HYDIN: variants seen among roughly 807,000 people sequenced by gnomAD.
The protein encoded by HYDIN is HYDIN axonemal central pair apparatus protein.
A neutral mutation model predicts 403.9 loss-of-function variants in HYDIN; 132 were observed. The ratio of observed to expected loss-of-function variants is 0.33; its 90% confidence interval spans 0.28 to 0.38. The LOEUF is 0.38. HYDIN is among the 10% of genes least tolerant of loss of function. The pLI, the probability that HYDIN is intolerant of heterozygous loss-of-function variation, is 1.00. For missense variants in HYDIN, 2,827 were observed against 5,009.5 expected (o/e 0.56, Z 13.15); for synonymous variants, 1,202 against 1,891.7 (o/e 0.64, Z 9.46).
At chr16:70,911,272 T>C (rs1431547915) in intron 47 of HYDIN, among the ~76,000 whole-genome samples, 6 of 145,120 alleles carry the variant, frequency 4.1e-5, no homozygotes, top group African/African-American at 1.0e-4. Context: ...TTAATCCATC[T>C]TGAGTTGATT....
At chr16:70,994,270 G>GATGGATGC (rs768655786) in intron 23 of HYDIN, among the ~76,000 whole-genome samples, 26 of 7,056 alleles carry the variant, frequency 3.7e-3, no homozygotes, top group African/African-American at 0.013. Context: ...TGGATGCATG[G>GATGGATGC]ATGGATGGAT....
intron 1 of HYDIN, among the ~76,000 whole-genome samples, chr16:71,219,524 G>A (rs1267881621): frequency 6.6e-6 from 1 of 151,986 alleles, no homozygotes. Flanking sequence ...ATCTAACATA[G>A]GATATGCTGG....
Position 70,880,451 on chromosome 16 carries a change from C to T in HYDIN, c.10216-695G>A, listed in dbSNP as rs1199653950. Among the ~76,000 whole-genome samples the T allele has an allele frequency of 9.9e-5, 15 of 151,026 alleles. No individual in the cohort carries two copies. The South Asian group carries it at 2.9e-3, about 30-fold the overall frequency. ...GGATGAGAGAATGGAGCAGTGGAAA[C>T]CCTGTGAGAGAGACATGTGGCTCTT... On this transcript the variant is annotated intron_variant, in intron 60 of 85. Transcript: ENST00000393567.
At chr16:70,882,195 G>C (rs2040849510) in intron 60 of HYDIN, among the ~76,000 whole-genome samples, 1 of 152,140 alleles carries the variant, frequency 6.6e-6, no homozygotes, top group South Asian at 2.1e-4. Flanking sequence ...GAGTTGTTGT[G>C]AGGGCAAAAG....
chr16:71,206,748 G>A (rs1010262778), intron 1 of HYDIN, among the ~76,000 whole-genome samples: 2 of 152,176 alleles, frequency 1.3e-5, no homozygotes, highest in Non-Finnish European at 2.9e-5. Context: ...CGATAGAGCT[G>A]AAAAACACAT....
chr16:70,996,282 T>C (rs1214865270), intron 23 of HYDIN, among the ~76,000 whole-genome samples: 3 of 152,314 alleles, frequency 2.0e-5, no homozygotes, highest in African/African-American at 7.2e-5. Context: ...CGGGCTCTCC[T>C]AGGGAATCCA....
At chr16:70,990,021 C>T (rs783745) in intron 25 of HYDIN, among the ~76,000 whole-genome samples, 10 of 152,150 alleles carry the variant, frequency 6.6e-5, no homozygotes, top group Admixed American at 2.0e-4. Flanking sequence ...GCTTGATGGA[C>T]GTGTCCCTGC....
chr16:71,174,536 A>G (rs188348008), intron 5 of HYDIN, among the ~76,000 whole-genome samples: 34 of 152,194 alleles, frequency 2.2e-4, no homozygotes, highest in Middle Eastern at 3.4e-3. Context: ...CACTCCTTCA[A>G]TCATGCTGGT....
At chr16:71,210,843 A>T (rs80233872) in intron 1 of HYDIN, among the ~76,000 whole-genome samples, 1 of 152,080 alleles carries the variant, frequency 6.6e-6, no homozygotes, top group South Asian at 2.1e-4. Context: ...TTCAAAAAAA[A>T]TTTCTTAGTT....
intron 58 of HYDIN, among the ~76,000 whole-genome samples, chr16:70,886,606 C>T (rs1220855620): frequency 6.6e-6 from 1 of 152,188 alleles, no homozygotes; most frequent in Admixed American, 6.5e-5. Context: ...GGTAAGTCTA[C>T]TGGTGACAAA....
intron 1 of HYDIN, among the ~76,000 whole-genome samples, chr16:71,224,275 T>C (rs2040931192): frequency 6.6e-6 from 1 of 152,100 alleles, no homozygotes; most frequent in Non-Finnish European, 1.5e-5. Context: ...TGATGAAATT[T>C]GGGAACTCAT....
chr16:71,219,973 C>T (rs1316895341), intron 1 of HYDIN, among the ~76,000 whole-genome samples: 1 of 152,160 alleles, frequency 6.6e-6, no homozygotes, highest in Non-Finnish European at 1.5e-5. Context: ...CAGCGTATTT[C>T]GGTCCATTGC....
chr16:70,886,780 G>C (rs1327965953), intron 58 of HYDIN, among the ~76,000 whole-genome samples: 2 of 152,150 alleles, frequency 1.3e-5, no homozygotes, highest in African/African-American at 4.8e-5. Context: ...GAAATCTGCT[G>C]TCATTCAAGG....
chr16:71,011,010 T>C (rs2080063267), intron 23 of HYDIN, among the ~76,000 whole-genome samples: 1 of 152,180 alleles, frequency 6.6e-6, no homozygotes, highest in East Asian at 1.9e-4. Flanking sequence ...AGAAAAGGAT[T>C]TTCTATCATT....
Position 70,938,839 on chromosome 16 carries a change from G to A in HYDIN, c.6854-84C>T, listed in dbSNP as rs186832460. 9.7e-6 allele frequency: 14 copies of A among 1,439,086 alleles called. No homozygotes were observed. In the African/African-American group the frequency reaches 1.8e-4, roughly 18 times the overall value. The allele number at this position is 1,439,086 out of a possible 1,614,324, so 89.1% of individuals were successfully genotyped here. On this transcript the variant is annotated intron_variant, in intron 43 of 85. Coordinates refer to ENST00000393567, the MANE Select transcript of HYDIN (RefSeq NM_001270974.2). ...CCTAAGCAGGCGGAGTAGGGTCTTAGTGTGGGGCAGCTGGTACGGCGCCTG... is the reference window on the plus strand; with the variant it reads ...CCTAAGCAGGCGGAGTAGGGTCTTAATGTGGGGCAGCTGGTACGGCGCCTG...
At chr16:71,195,634 C>G (rs1389660383) in intron 1 of HYDIN, among the ~76,000 whole-genome samples, 1 of 152,084 alleles carries the variant, frequency 6.6e-6, no homozygotes, top group Non-Finnish European at 1.5e-5. Context: ...TTTATTTGAT[C>G]TTTTTAAAAC....
At chr16:70,979,738 C>A (rs1466545338) in intron 29 of HYDIN, among the ~76,000 whole-genome samples, 1 of 152,116 alleles carries the variant, frequency 6.6e-6, no homozygotes, top group African/African-American at 2.4e-5. Flanking sequence ...TCAAGACCAG[C>A]CTGGGCAACA....
chr16:71,052,864 GA>G (rs1439911420), intron 18 of HYDIN, among the ~76,000 whole-genome samples: 1 of 146,002 alleles, frequency 6.8e-6, no homozygotes. Context: ...AAGACAGTAA[GA>G]AAAGAACAAA....
chr16:71,204,803 T>C (rs1332198000), intron 1 of HYDIN, among the ~76,000 whole-genome samples: 1 of 152,170 alleles, frequency 6.6e-6, no homozygotes, highest in African/African-American at 2.4e-5. Flanking sequence ...AAAATATCTG[T>C]TTCCACTCTA....
Sources: allele counts gnomAD v4.1 joint callset (sites outside exome capture counted in the v4.1 genomes callset), GRCh38; gene constraint gnomAD v4.1.1; transcripts MANE v1.5; gene names NCBI Gene and HGNC (gene_info 2026-07-23, HGNC 2026-07-21).